LGI1: variants seen among roughly 807,000 people sequenced by gnomAD.
LGI1 encodes leucine-rich glioma-inactivated protein 1.
A neutral mutation model predicts 57.7 loss-of-function variants in LGI1; 11 were observed. The ratio of observed to expected loss-of-function variants is 0.19; its 90% CI spans 0.12 to 0.32. The LOEUF (loss-of-function observed/expected upper bound fraction) is 0.32. Ranked by LOEUF, LGI1 falls within the 10% of genes least tolerant of loss-of-function variation. LGI1 has a pLI of 1.00. For synonymous variants in LGI1, 222 were observed against 241.9 expected (o/e 0.92, Z 0.76); for missense variants, 422 against 661.9 (o/e 0.64, Z 3.98).
intron 4 of LGI1, chr10:93,778,746 C>G (rs182920928): frequency 6.6e-6 from 1 of 152,300 alleles, no homozygotes; most frequent in East Asian, 1.9e-4. Flanking sequence ...GTCATTCTGT[C>G]AGCTTTAACC....
In LGI1 at chr10:93,758,497, C is replaced by T; in HGVS notation, c.215+138C>T. 1 of 903,520 alleles carries T rather than the reference C, an allele frequency of 1.1e-6. No homozygotes were observed. The highest frequency in any genetic ancestry group is 1.8e-6 in the Non-Finnish European group (1 of 566,094). 56.0% of individuals were successfully genotyped at this position (903,520 alleles called of 1,614,324 possible). A position where few individuals can be genotyped will look rare whatever the true frequency, so the allele number is the denominator to read the frequency against. On this transcript the variant is annotated intron_variant, in intron 1 of 7. Transcript: ENST00000371418. This position sits in a 1 kb window ranked among gnomAD's most constrained non-coding sequence, Gnocchi z 4.7. ...ATGCTTGGCCATTTGACAGTGCTAA[C>T]ATTTGCTGCATTTAGAATTTTTGAT... is the stretch of plus-strand genomic sequence containing the variant.
At chr10:93,792,705 C>A (rs758050933) in intron 5 of LGI1, 38 bp from the exon 6 acceptor site, 1 of 1,604,464 alleles carries the variant, frequency 6.2e-7, no homozygotes, top group East Asian at 2.2e-5. Flanking sequence ...GTGGGTAGGG[C>A]CCTTGTACAG....
intron 5 of LGI1, chr10:93,790,654 GAAC>G (rs1422793145): frequency 6.4e-6 from 1 of 156,968 alleles, no homozygotes; most frequent in African/African-American, 2.4e-5. Context: ...TCATTAGACT[GAAC>G]AACAACTCTA....
chr10:93,784,083 A>G (rs2059875005), intron 4 of LGI1, among the ~76,000 whole-genome samples: 1 of 152,236 alleles, frequency 6.6e-6, no homozygotes, highest in Admixed American at 6.5e-5. Flanking sequence ...CTATGCTAGC[A>G]CTACAGATAA....
intron 5 of LGI1, 170 bp from the exon 6 acceptor site, chr10:93,792,573 A>G: frequency 1.4e-6 from 1 of 704,800 alleles, no homozygotes; most frequent in Non-Finnish European, 2.6e-6. Flanking sequence ...GCATGGTGCT[A>G]ACTCTCTGAG....
Position 93,758,856 on chromosome 10 carries a change from A to AT in LGI1, c.287+30dup. On this transcript the variant is annotated intron_variant, in intron 2 of 7. Transcript: ENST00000371418. This position sits in a 1 kb window ranked among gnomAD's most constrained non-coding sequence, Gnocchi z 4.7. ...TGTGAGAAATATTTATATCATGACT[A>AT]TTTTTAATATGGCATATATTTGGAT... 1.3e-6 allele frequency: 2 copies of AT among 1,481,586 alleles called. No individual in the cohort carries two copies. Among genetic ancestry groups the AT allele is most frequent in the East Asian group, 2.3e-5 (1 of 44,224 alleles). 91.8% of individuals were successfully genotyped at this position (1,481,586 alleles called of 1,614,324 possible).
At chr10:93,784,108 T>A (rs1184825994) in intron 4 of LGI1, among the ~76,000 whole-genome samples, 1 of 152,202 alleles carries the variant, frequency 6.6e-6, no homozygotes, top group Non-Finnish European at 1.5e-5. Context: ...AAGAGAACCA[T>A]CCTTCTAGTA....
At chr10:93,764,196 T>C (rs1011830264) in intron 2 of LGI1, 2 of 152,180 alleles carry the variant, frequency 1.3e-5, no homozygotes. Context: ...GTAGTGATTC[T>C]TGATATGGTA....
intron 2 of LGI1, among the ~76,000 whole-genome samples, chr10:93,775,660 CCT>C (rs1188162096): frequency 6.6e-6 from 1 of 152,174 alleles, no homozygotes; most frequent in Non-Finnish European, 1.5e-5. Context: ...TAGCAGAAAT[CCT>C]CTCTTTTCTT....
intron 4 of LGI1, among the ~76,000 whole-genome samples, chr10:93,777,998 G>A (rs1216910011): frequency 6.6e-6 from 1 of 151,928 alleles, no homozygotes; most frequent in Non-Finnish European, 1.5e-5. Flanking sequence ...ACATAATATA[G>A]CCACAGGCGA....
At chr10:93,794,362 C>CTCT (rs2059962027) in intron 7 of LGI1, among the ~76,000 whole-genome samples, 1 of 101,200 alleles carries the variant, frequency 9.9e-6, no homozygotes. Flanking sequence ...CTGGATCTCT[C>CTCT]TTTTTTTTTT....
intron 2 of LGI1, chr10:93,767,637 T>C (rs2059692594): frequency 6.6e-6 from 1 of 152,218 alleles, no homozygotes; most frequent in South Asian, 2.1e-4. Flanking sequence ...TCCTAGTGGA[T>C]ACATTAAACG....
intron 4 of LGI1, chr10:93,783,131 A>G (rs1028731814): frequency 1.4e-5 from 2 of 142,918 alleles, no homozygotes; most frequent in African/African-American, 2.6e-5. Context: ...TAATCCCAGC[A>G]CTTTGGGAGG....
intron 2 of LGI1, chr10:93,776,958 T>TCA: frequency 4.4e-6 from 1 of 226,522 alleles, no homozygotes; most frequent in Non-Finnish European, 8.8e-6. Flanking sequence ...CTTACTTTTT[T>TCA]TTAGGTTTCC....
At chr10:93,790,574 C>G (rs1356151807) in intron 5 of LGI1, 2 of 180,396 alleles carry the variant, frequency 1.1e-5, no homozygotes, top group Non-Finnish European at 2.3e-5. Context: ...AAGGTTACAT[C>G]CTTGGGTTGG....
intron 4 of LGI1, among the ~76,000 whole-genome samples, chr10:93,781,589 T>C (rs2059848391): frequency 6.6e-6 from 1 of 152,224 alleles, no homozygotes; most frequent in Non-Finnish European, 1.5e-5. Context: ...CATGTTTCAC[T>C]TTAATGTTTG....
chr10:93,760,414 C>T (rs1281349864), intron 2 of LGI1, among the ~76,000 whole-genome samples: 1 of 152,202 alleles, frequency 6.6e-6, no homozygotes, highest in Admixed American at 6.5e-5. Context: ...GTTTCTGGTC[C>T]TCACTTGTTA....
At chr10:93,779,824 C>A (rs2134004937) in intron 4 of LGI1, among the ~76,000 whole-genome samples, 1 of 152,292 alleles carries the variant, frequency 6.6e-6, no homozygotes, top group African/African-American at 2.4e-5. Context: ...AGAAGTCCCA[C>A]CTCTCTGAGC....
intron 4 of LGI1, among the ~76,000 whole-genome samples, chr10:93,785,040 T>C (rs1040970275): frequency 6.6e-6 from 1 of 152,218 alleles, no homozygotes; most frequent in African/African-American, 2.4e-5. Flanking sequence ...TTCCAACTTT[T>C]CTTGAAGTGA....
Sources: allele counts gnomAD v4.1 joint callset (sites outside exome capture counted in the v4.1 genomes callset), GRCh38; gene constraint gnomAD v4.1.1; non-coding constraint Gnocchi (gnomAD v3.1); transcripts MANE v1.5; gene names NCBI Gene and HGNC (gene_info 2026-07-23, HGNC 2026-07-21).